Variants in ERCC6L2 observed in about 807,000 individuals in gnomAD.
ERCC6L2 encodes ERCC excision repair 6 like 2.
A neutral mutation model predicts 132.0 loss-of-function variants in ERCC6L2; 77 were observed. The observed-to-expected ratio is 0.58, with a 90% CI of 0.49 to 0.71. The LOEUF (loss-of-function observed/expected upper bound fraction) is 0.71. Among genes scored for constraint, ERCC6L2 ranks in the 30% least tolerant of loss-of-function variants. The pLI is 0.00. For missense variants in ERCC6L2, 1,542 were observed against 1,837.6 expected (o/e 0.84, Z 2.94); for synonymous variants, 583 against 632.4 (o/e 0.92, Z 1.17).
chr9:95,935,226 C>A (rs753104945), intron 11 of ERCC6L2, among the ~76,000 whole-genome samples: 11 of 152,190 alleles, frequency 7.2e-5, no homozygotes, highest in Non-Finnish European at 1.3e-4. Context: ...TTAACTGGTT[C>A]TTTAGAGATA....
At chr9:95,976,472 C>T (rs995623644) in intron 16 of ERCC6L2, among the ~76,000 whole-genome samples, 2 of 152,140 alleles carry the variant, frequency 1.3e-5, no homozygotes, top group African/African-American at 2.4e-5. Flanking sequence ...CAGCTGGCCC[C>T]TTGTGCTTTC....
chr9:95,982,290 T>C (rs186615339), intron 17 of ERCC6L2, among the ~76,000 whole-genome samples: 255 of 152,238 alleles, frequency 1.7e-3, no homozygotes, highest in Non-Finnish European at 2.7e-3. Flanking sequence ...ATACAAAATA[T>C]TGTGTTAGTA....
intron 12 of ERCC6L2, among the ~76,000 whole-genome samples, chr9:95,944,767 G>C (rs1410219950): frequency 6.6e-6 from 1 of 152,036 alleles, no homozygotes; most frequent in African/African-American, 2.4e-5. Flanking sequence ...GTCTGGGGGA[G>C]ACATCACATG....
chr9:95,899,631 TGC>T (rs143578081), intron 3 of ERCC6L2, among the ~76,000 whole-genome samples: 8,101 of 133,986 alleles, frequency 0.06, 427 homozygotes, highest in African/African-American at 0.14. Flanking sequence ...TGTGTGTGTG[TGC>T]GTATGTATGC....
rs1328362599 is a variant in ERCC6L2, at chr9:96,015,031, T to TG, written c.*1828_*1829insG. Among the ~76,000 whole-genome samples the TG allele has an allele frequency of 4.5e-5, 6 of 134,596 alleles. No homozygotes were observed. Among genetic ancestry groups the TG allele is most frequent in the African/African-American group, 1.7e-4 (6 of 34,948 alleles). 88.3% of individuals were successfully genotyped at this position (134,596 alleles called of 152,430 possible). A position where few individuals can be genotyped will look rare whatever the true frequency, so the allele number is the denominator to read the frequency against. On this transcript the variant is annotated 3_prime_UTR_variant, in exon 19 of 19. Coordinates refer to ENST00000653738, the MANE Select transcript of ERCC6L2 (RefSeq NM_020207.7). ...ATATGTACAGTTTTTTTTTTTTTTT[T>TG]TTTTTTTTTGAGATTGAGTCTCACT...
intron 11 of ERCC6L2, among the ~76,000 whole-genome samples, chr9:95,934,846 T>C (rs1300302379): frequency 2.0e-5 from 3 of 152,172 alleles, no homozygotes; most frequent in African/African-American, 7.2e-5. Context: ...AGAAACATCA[T>C]TTTCTGTCTC....
intron 19 of ERCC6L2, among the ~76,000 whole-genome samples, chr9:96,036,868 G>A (rs909414798): frequency 1.4e-5 from 2 of 148,040 alleles, no homozygotes; most frequent in Admixed American, 6.7e-5. Context: ...CCGGGTTCAC[G>A]CCATTCTCCT....
chr9:96,005,941 G>C (rs1350974019), intron 18 of ERCC6L2, among the ~76,000 whole-genome samples: 2 of 152,178 alleles, frequency 1.3e-5, no homozygotes, highest in Non-Finnish European at 2.9e-5. Flanking sequence ...GAAAGAAAGA[G>C]AACAAGATTA....
intron 13 of ERCC6L2, among the ~76,000 whole-genome samples, chr9:95,959,646 A>G (rs1339266352): frequency 6.6e-6 from 1 of 152,086 alleles, no homozygotes; most frequent in Admixed American, 6.6e-5. Context: ...CAAAGGGCTA[A>G]TATCCAGAAT....
chr9:96,033,375 G>C (rs1362313249), intron 19 of ERCC6L2, among the ~76,000 whole-genome samples: 1 of 152,006 alleles, frequency 6.6e-6, no homozygotes, highest in Non-Finnish European at 1.5e-5. Context: ...CCTCCCAGTA[G>C]CTGAGATGAC....
At chr9:95,918,190 G>T in intron 6 of ERCC6L2, 1 of 475,368 alleles carries the variant, frequency 2.1e-6, no homozygotes, top group South Asian at 1.6e-5. Context: ...GGAAATGGAG[G>T]CAGTCAGCCC....
At chr9:95,894,848 G>A (rs1254538767) in intron 2 of ERCC6L2, among the ~76,000 whole-genome samples, 3 of 151,954 alleles carry the variant, frequency 2.0e-5, no homozygotes, top group Non-Finnish European at 4.4e-5. Flanking sequence ...CGCCCGCCTC[G>A]GCCTCCCAAA....
intron 17 of ERCC6L2, among the ~76,000 whole-genome samples, chr9:95,988,331 T>C (rs796945930): frequency 1.3e-5 from 2 of 152,330 alleles, no homozygotes; most frequent in African/African-American, 4.8e-5. Flanking sequence ...TTAGTATAAC[T>C]AGGATCTGTT....
At chr9:95,991,194 G>A (rs542605567) in intron 17 of ERCC6L2, among the ~76,000 whole-genome samples, 3 of 152,178 alleles carry the variant, frequency 2.0e-5, no homozygotes, top group South Asian at 4.1e-4. Context: ...CTGTTTCCAC[G>A]TAGGACCACA....
At chr9:95,966,852 C>G (rs568533870) in intron 14 of ERCC6L2, 138 bp downstream of exon 14, 26 of 584,458 alleles carry the variant, frequency 4.4e-5, no homozygotes, top group Non-Finnish European at 6.1e-5. Context: ...GGAATTTTTA[C>G]TTTTAGAGAA....
Position 96,017,702 on chromosome 9 carries a change from C to T in ERCC6L2, c.*4499C>T, listed in dbSNP as rs988806417. 7.9e-5 allele frequency among the ~76,000 whole-genome samples: 12 copies of T among 152,222 alleles called. No individual in the cohort carries two copies. Among genetic ancestry groups the T allele is most frequent in the African/African-American group, 2.7e-4 (11 of 41,456 alleles). ...TCAGTTGCCCCACCACGACTTCCAG[C>T]GCCCCCCATCTCTGTATGCAGCTGA... On this transcript the variant is annotated 3_prime_UTR_variant, in exon 19 of 19. Coordinates refer to ENST00000653738, the MANE Select transcript of ERCC6L2 (RefSeq NM_020207.7).
Position 95,958,098 on chromosome 9 carries a change from A to G in ERCC6L2, c.1947+2085A>G, listed in dbSNP as rs150011940. Among the ~76,000 whole-genome samples, 474 of 139,676 alleles carry G rather than the reference A, an allele frequency of 3.4e-3. 2 individuals are homozygous for G. The highest frequency in any genetic ancestry group is 8.2e-3 in the Middle Eastern group (2 of 244). 91.6% of individuals were successfully genotyped at this position (139,676 alleles called of 152,430 possible). ...TGTGTCCATGTGTTCTCAATGTTCA[A>G]TTCCCACCTATGAGTGAGAACATGC... is the stretch of plus-strand genomic sequence containing the variant. On this transcript the variant is annotated intron_variant, in intron 13 of 18. Transcript: ENST00000653738.
At chr9:95,949,069 G>A (rs1831205344) in intron 12 of ERCC6L2, among the ~76,000 whole-genome samples, 1 of 151,934 alleles carries the variant, frequency 6.6e-6, no homozygotes, top group Admixed American at 6.6e-5. Context: ...AACAAATTCT[G>A]GACACGAAAT....
intron 12 of ERCC6L2, among the ~76,000 whole-genome samples, chr9:95,947,842 C>T (rs879378934): frequency 4.6e-5 from 7 of 152,124 alleles, no homozygotes; most frequent in Non-Finnish European, 8.8e-5. Flanking sequence ...GGATGGTTTA[C>T]TGAATATTTT....
Sources: allele counts gnomAD v4.1 joint callset (sites outside exome capture counted in the v4.1 genomes callset), GRCh38; gene constraint gnomAD v4.1.1; transcripts MANE v1.5; gene names NCBI Gene and HGNC (gene_info 2026-07-23, HGNC 2026-07-21).